BICC1: variants seen among roughly 807,000 people sequenced by gnomAD.
The protein encoded by BICC1 is protein bicaudal C homolog 1.
A neutral mutation model predicts 111.0 loss-of-function variants in BICC1; 43 were observed. That is an observed-to-expected ratio of 0.39 (90% CI 0.30 to 0.50). The LOEUF (loss-of-function observed/expected upper bound fraction) is 0.50. BICC1 is among the 20% of genes least tolerant of loss of function. The pLI is 0.88. For synonymous variants in BICC1, 467 were observed against 434.4 expected (o/e 1.07, Z -0.93); for missense variants, 1,091 against 1,203.2 (o/e 0.91, Z 1.38).
chr10:58,700,274 T>C (rs1352335291), intron 2 of BICC1, among the ~76,000 whole-genome samples: 1 of 151,936 alleles, frequency 6.6e-6, no homozygotes, highest in Non-Finnish European at 1.5e-5. Flanking sequence ...AGTCTGAGCA[T>C]GAGAAGGGGC....
At position 58,655,291 on chromosome 10, in the gene BICC1, G is replaced by A. The variant is rs761932814; in HGVS notation, c.237+34390G>A. ...CCTTGGGCAGTTTGGCCATTTTCAC[G>A]ATATTGATTCTTCCTACCCATGAGC... On this transcript the variant is annotated intron_variant, in intron 2 of 20. Coordinates refer to ENST00000373886, the MANE Select transcript of BICC1 (RefSeq NM_001080512.3). Among the ~76,000 whole-genome samples, 1,189 of 139,428 alleles carry A rather than the reference G, an allele frequency of 8.5e-3. 11 individuals carry two copies. Among genetic ancestry groups the A allele is most frequent in the Non-Finnish European group, 0.014 (860 of 63,508 alleles). 91.5% of individuals were successfully genotyped at this position (139,428 alleles called of 152,430 possible). A position where few individuals can be genotyped will look rare whatever the true frequency, so the allele number is the denominator to read the frequency against.
intron 3 of BICC1, among the ~76,000 whole-genome samples, chr10:58,733,244 A>C (rs1841371874): frequency 1.3e-5 from 2 of 152,252 alleles, no homozygotes; most frequent in Admixed American, 1.3e-4. Flanking sequence ...CCTTGAGGCA[A>C]TACCTAGTGC....
chr10:58,562,432 A>G (rs943627237), intron 1 of BICC1, among the ~76,000 whole-genome samples: 9 of 151,748 alleles, frequency 5.9e-5, no homozygotes, highest in African/African-American at 1.9e-4. Flanking sequence ...TTCTTATTTC[A>G]TTCATTGAAT....
chr10:58,785,542 G>A (rs1355367358), intron 4 of BICC1, among the ~76,000 whole-genome samples: 1 of 151,940 alleles, frequency 6.6e-6, no homozygotes, highest in Non-Finnish European at 1.5e-5. Context: ...GCTTGCTTTT[G>A]TGTGATCACG....
intron 1 of BICC1, among the ~76,000 whole-genome samples, chr10:58,586,314 TC>T (rs918722262): frequency 6.6e-6 from 1 of 152,190 alleles, no homozygotes; most frequent in Non-Finnish European, 1.5e-5. Flanking sequence ...TAAGACCCAA[TC>T]CCTGTTTTAT....
At chr10:58,545,852 C>T (rs543546670) in intron 1 of BICC1, among the ~76,000 whole-genome samples, 4 of 152,112 alleles carry the variant, frequency 2.6e-5, no homozygotes, top group Non-Finnish European at 5.9e-5. Flanking sequence ...ACCCAAACTC[C>T]TGACTGGGGC....
intron 1 of BICC1, among the ~76,000 whole-genome samples, chr10:58,606,229 T>C (rs1164748767): frequency 6.6e-6 from 1 of 152,180 alleles, no homozygotes; most frequent in Admixed American, 6.5e-5. Context: ...AGGGAAAGTC[T>C]CAGTTTCTTG....
intron 1 of BICC1, among the ~76,000 whole-genome samples, chr10:58,610,024 A>G (rs185188305): frequency 1.1e-3 from 171 of 152,312 alleles, no homozygotes; most frequent in Non-Finnish European, 1.9e-3. Context: ...TTGGACTGAA[A>G]TTCCATTGAC....
chr10:58,767,716 T>A (rs1207811460), intron 3 of BICC1, among the ~76,000 whole-genome samples: 1 of 152,032 alleles, frequency 6.6e-6, no homozygotes, highest in African/African-American at 2.4e-5. Context: ...TAAAACTCGG[T>A]GTAATCAGGA....
chr10:58,603,547 A>G (rs1016287227), intron 1 of BICC1, among the ~76,000 whole-genome samples: 1 of 152,206 alleles, frequency 6.6e-6, no homozygotes, highest in Non-Finnish European at 1.5e-5. Flanking sequence ...AGTCCACTGT[A>G]GAGCGTAATA....
intron 5 of BICC1, 52 bp from the exon 6 acceptor site, chr10:58,788,318 G>T (rs1228252891): frequency 3.0e-6 from 4 of 1,332,572 alleles, no homozygotes; most frequent in African/African-American, 2.9e-5. Context: ...CTGGAAAAGA[G>T]ATGTGAGTTT....
chr10:58,567,084 G>C (rs895235220), intron 1 of BICC1, among the ~76,000 whole-genome samples: 5 of 152,168 alleles, frequency 3.3e-5, no homozygotes, highest in African/African-American at 1.2e-4. Flanking sequence ...CTCTTTGGAG[G>C]CCTGCAGAAT....
intron 2 of BICC1, among the ~76,000 whole-genome samples, chr10:58,684,012 T>C (rs1188010884): frequency 1.3e-5 from 2 of 152,230 alleles, no homozygotes; most frequent in Non-Finnish European, 2.9e-5. Flanking sequence ...GCTGTGGATT[T>C]GTCATAAATA....
At chr10:58,791,923 C>T (rs949844506) in intron 8 of BICC1, among the ~76,000 whole-genome samples, 1 of 152,096 alleles carries the variant, frequency 6.6e-6, no homozygotes, top group Admixed American at 6.5e-5. Context: ...TCCCGAGTAG[C>T]TGAGATTACA....
rs1839621530 is a variant in BICC1, at chr10:58,683,893, C to T, written c.238-18181C>T. 2.0e-5 allele frequency among the ~76,000 whole-genome samples: 3 copies of T among 152,150 alleles called. No homozygotes were observed. In the South Asian group the frequency reaches 6.2e-4, roughly 32 times the overall value. On this transcript the variant is annotated intron_variant, in intron 2 of 20. Transcript: ENST00000373886. ...CTTTCTCCTGCCTGATTGCCCTGGC[C>T]AGAACTTCCAACACTTTGTTGAATA...
At chr10:58,605,193 A>G (rs1398852976) in intron 1 of BICC1, among the ~76,000 whole-genome samples, 1 of 152,224 alleles carries the variant, frequency 6.6e-6, no homozygotes, top group Non-Finnish European at 1.5e-5. Context: ...AGCCTAGAAT[A>G]TTAAAAATCG....
chr10:58,752,873 G>C (rs1408565035), intron 3 of BICC1, among the ~76,000 whole-genome samples: 1 of 152,168 alleles, frequency 6.6e-6, no homozygotes, highest in East Asian at 1.9e-4. Context: ...GAGGTCAGCA[G>C]TGCAGGCTGG....
chr10:58,587,545 C>T (rs192270699), intron 1 of BICC1, among the ~76,000 whole-genome samples: 1 of 152,226 alleles, frequency 6.6e-6, no homozygotes, highest in Admixed American at 6.5e-5. Flanking sequence ...TTGAGGAATT[C>T]ATTCATGCTA....
chr10:58,660,613 CTAAT>C lies in BICC1; in HGVS notation c.237+39719_237+39722del, dbSNP rs568124163. On this transcript the variant is annotated intron_variant, in intron 2 of 20. Coordinates refer to ENST00000373886, the MANE Select transcript of BICC1 (RefSeq NM_001080512.3). The stretch of plus-strand genomic sequence containing the variant: ...GATCCTCAGTGTATTAACTTTATGC[CTAAT>C]TAATTAGTTAATTGTGCTGAACATA... Among the ~76,000 whole-genome samples the C allele has an allele frequency of 4.1e-3, 627 of 152,220 alleles. 1 individual carries two copies. The highest frequency in any genetic ancestry group is 6.9e-3 in the Non-Finnish European group (472 of 68,020).
Sources: allele counts gnomAD v4.1 joint callset (sites outside exome capture counted in the v4.1 genomes callset), GRCh38; gene constraint gnomAD v4.1.1; transcripts MANE v1.5; gene names NCBI Gene and HGNC (gene_info 2026-07-23, HGNC 2026-07-21).